The following DAZL variants were observed in gnomAD, a reference collection of about 807,000 sequenced individuals.
The protein encoded by DAZL is deleted in azoospermia like, also known as deleted in azoospermia-like.
Under a neutral mutation model 45.0 loss-of-function variants are expected in DAZL, and 4 were observed. The ratio of observed to expected loss-of-function variants is 0.09; its 90% CI spans 0.04 to 0.20. The LOEUF is 0.20. DAZL is among the 10% of genes least tolerant of loss of function. The probability of loss-of-function intolerance (pLI) is 1.00; values close to 1 mark genes in which losing one functional copy is unlikely to be tolerated. For synonymous variants in DAZL, 122 were observed against 112.4 expected (o/e 1.09, Z -0.54); for missense variants, 326 against 351.3 (o/e 0.93, Z 0.58).
At chr3:16,594,016 A>T (rs1237414768) in intron 8 of DAZL, among the ~76,000 whole-genome samples, 2 of 152,236 alleles carry the variant, frequency 1.3e-5, no homozygotes, top group Non-Finnish European at 2.9e-5. Context: ...CTAATGTAGT[A>T]AGAGAGTGTT....
At position 16,602,893 on chromosome 3, in the gene DAZL, T is replaced by G. The variant is rs1479827058; in HGVS notation, c.3+2310A>C. On this transcript the variant is annotated intron_variant, in intron 1 of 10. Transcript: ENST00000399444. ...GGCACCTCCTTATTACTACTATGTA[T>G]TTTTTTCCACTATGTATGACAAAGG... 3.9e-5 allele frequency among the ~76,000 whole-genome samples: 6 copies of G among 152,298 alleles called. No individual in the cohort carries two copies. In the East Asian group the frequency reaches 1.2e-3, roughly 29 times the overall value.
intron 1 of DAZL, among the ~76,000 whole-genome samples, chr3:16,603,600 G>C (rs1375351526): frequency 6.6e-6 from 1 of 152,124 alleles, no homozygotes; most frequent in African/African-American, 2.4e-5. Flanking sequence ...ACCCGCCTCA[G>C]CCTCCTAAAG....
At chr3:16,597,122 TA>T in intron 4 of DAZL, 71 bp from the exon 5 acceptor site, 1 of 1,455,636 alleles carries the variant, frequency 6.9e-7, no homozygotes, top group Non-Finnish European at 9.6e-7. Context: ...GATGAACACC[TA>T]AAGTCTTCTA....
intron 1 of DAZL, among the ~76,000 whole-genome samples, chr3:16,601,724 TTGG>T (rs1460050188): frequency 6.6e-6 from 1 of 151,898 alleles, no homozygotes; most frequent in Non-Finnish European, 1.5e-5. Context: ...TTCAAGTGAG[TTGG>T]TGAATTTTGA....
chr3:16,598,281 C>T (rs775047928), intron 2 of DAZL, 103 bp from the exon 3 acceptor site: 6 of 1,401,286 alleles, frequency 4.3e-6, no homozygotes, highest in Non-Finnish European at 6.0e-6. Context: ...CCCCATTTAT[C>T]CCCAAATGAC....
chr3:16,604,154 T>C (rs74616227), intron 1 of DAZL, among the ~76,000 whole-genome samples: 4,616 of 152,278 alleles, frequency 0.03, 104 homozygotes, highest in Middle Eastern at 0.085. Context: ...TAATATAAAC[T>C]GTGTATAAAT....
At chr3:16,601,006 G>T (rs974348747) in intron 1 of DAZL, among the ~76,000 whole-genome samples, 1 of 152,162 alleles carries the variant, frequency 6.6e-6, no homozygotes, top group African/African-American at 2.4e-5. Context: ...TGCAAAGAAA[G>T]CTTCCTACAA....
chr3:16,596,003 CTT>C (rs1233820883), intron 6 of DAZL, among the ~76,000 whole-genome samples: 2 of 148,082 alleles, frequency 1.4e-5, no homozygotes, highest in African/African-American at 5.0e-5. Flanking sequence ...ACAAGTAGGG[CTT>C]TTTTTTTTCT....
chr3:16,599,690 T>C (rs1055667312), intron 1 of DAZL, among the ~76,000 whole-genome samples: 2 of 152,240 alleles, frequency 1.3e-5, no homozygotes, highest in African/African-American at 2.4e-5. Flanking sequence ...TGGATTTTGA[T>C]CAGAACTGTC....
Position 16,605,195 on chromosome 3 carries a change from C to G in DAZL, c.3+8G>C. On this transcript the variant is annotated splice_region_variant and intron_variant, in intron 1 of 10. Coordinates refer to ENST00000399444, the MANE Select transcript of DAZL (RefSeq NM_001351.4). ...AGCCTTGCCCCTCGGGCCTCTCCCT[C>G]AACTCACCATGATGGCGGCAGGCAG... 2.5e-6 allele frequency: 4 copies of G among 1,614,190 alleles called. No homozygotes were observed. The highest frequency in any genetic ancestry group is 3.4e-6 in the Non-Finnish European group (4 of 1,180,010).
At chr3:16,603,818 T>G (rs1194989254) in intron 1 of DAZL, among the ~76,000 whole-genome samples, 1 of 152,234 alleles carries the variant, frequency 6.6e-6, no homozygotes, top group African/African-American at 2.4e-5. Flanking sequence ...GTAACTCTTG[T>G]AAAAGTTGGC....
At position 16,594,513 on chromosome 3, in the gene DAZL, G is replaced by A. The variant is rs373908269; in HGVS notation, c.621+20C>T. ...TACTTTAAAATAACAGGAATTATATGTTTGGCTAATTCACTTTACCGGAGG... is the reference window on the plus strand; with the variant it reads ...TACTTTAAAATAACAGGAATTATATATTTGGCTAATTCACTTTACCGGAGG... On this transcript the variant is annotated intron_variant, in intron 8 of 10. Transcript: ENST00000399444. 23 of 1,557,648 alleles carry A rather than the reference G, an allele frequency of 1.5e-5. No homozygotes were observed. The highest frequency in any genetic ancestry group is 1.9e-5 in the Non-Finnish European group (22 of 1,144,146).
chr3:16,597,114 T>C, intron 4 of DAZL, 63 bp from the exon 5 acceptor site: 1 of 1,498,474 alleles, frequency 6.7e-7, no homozygotes. Context: ...AAGACTTGGA[T>C]GAACACCTAA....
At chr3:16,604,720 G>A (rs1030131837) in intron 1 of DAZL, 74 of 1,355,556 alleles carry the variant, frequency 5.5e-5, no homozygotes, top group Non-Finnish European at 6.6e-5. Context: ...CAGCAGGCCC[G>A]CCGCCATCTT....
chr3:16,598,170 T>C lies in DAZL; in HGVS notation c.159A>G (p.Glu53=), dbSNP rs1223961909. 1 of 1,593,888 alleles carries C rather than the reference T, an allele frequency of 6.3e-7. No homozygotes were observed. Among genetic ancestry groups the C allele is most frequent in the Non-Finnish European group, 8.6e-7 (1 of 1,164,532 alleles). The change falls in exon 3 of 11, where the codon GAA becomes GAG. Residue 53 remains glutamate, a synonymous_variant. Transcript: ENST00000399444. ...FVGGIDVRMD[E]TEIRSFFARY... is the part of the protein sequence containing the mutation. ...TAGCAAAGAAGCTTCTAATCTCAGTTTCATCCATCTATGGAAAAGAATTGA... is the reference window on the plus strand; with the variant it reads ...TAGCAAAGAAGCTTCTAATCTCAGTCTCATCCATCTATGGAAAAGAATTGA...
At position 16,587,035 on chromosome 3, in the gene DAZL, T is replaced by TA. The variant is rs1694447784; in HGVS notation, c.*1624dup. ...TTTAGAATATAGATATCATTTATAG[T>TA]AAGCTGGAGATTTAATCACAGAATG... On this transcript the variant is annotated 3_prime_UTR_variant, in exon 11 of 11. Coordinates refer to ENST00000399444, the MANE Select transcript of DAZL (RefSeq NM_001351.4). 2.6e-5 allele frequency: 4 copies of TA among 152,154 alleles called. No homozygotes were observed. The highest frequency in any genetic ancestry group is 4.8e-5 in the African/African-American group (2 of 41,446). 9.4% of individuals were successfully genotyped at this position (152,154 alleles called of 1,614,324 possible). A position where few individuals can be genotyped will look rare whatever the true frequency, so the allele number is the denominator to read the frequency against.
rs1575416157 is a variant in DAZL, at chr3:16,592,231, A to C, written c.736-83T>G. ...GGGTTTTTTTTTGATAGTTTAATGA[A>C]TATATTACTTTATTTCTAAAGAAAT... On this transcript the variant is annotated intron_variant, in intron 9 of 10. Transcript: ENST00000399444. The C allele has an allele frequency of 1.9e-6, 3 of 1,547,082 alleles. No homozygotes were observed. In the East Asian group the frequency reaches 6.8e-5, roughly 35 times the overall value.
intron 1 of DAZL, chr3:16,604,835 G>A: frequency 1.2e-6 from 1 of 849,222 alleles, no homozygotes; most frequent in Non-Finnish European, 1.7e-6. Context: ...CGTGGGAGTG[G>A]GGGCGGGGTG....
intron 7 of DAZL, 29 bp from the exon 8 acceptor site, chr3:16,594,612 T>G: frequency 6.6e-7 from 1 of 1,519,332 alleles, no homozygotes; most frequent in Non-Finnish European, 8.9e-7. Context: ...GAAACCAAAA[T>G]TATTCAAATA....
Sources: gnomAD v4.1 joint callset for allele counts (sites outside exome capture counted in the v4.1 genomes callset) on GRCh38, gnomAD v4.1.1 for gene constraint, MANE v1.5 for transcripts, NCBI Gene and HGNC (gene_info 2026-07-23, HGNC 2026-07-21) for gene names.